SPECC1: variants seen among roughly 807,000 people sequenced by gnomAD.
The protein encoded by SPECC1 is sperm antigen with calponin homology and coiled-coil domains 1.
A neutral mutation model predicts 104.1 loss-of-function variants in SPECC1; 62 were observed. The ratio of observed to expected loss-of-function variants is 0.60; its 90% confidence interval spans 0.49 to 0.74. The LOEUF is 0.74. Ranked by LOEUF, SPECC1 falls within the 30% of genes least tolerant of loss-of-function variation. The pLI, the probability that SPECC1 is intolerant of heterozygous loss-of-function variation, is 0.00. For synonymous variants in SPECC1, 513 were observed against 501.6 expected, an observed-to-expected ratio of 1.02 and a Z score of -0.30; for missense variants, 1,306 against 1,310.5, an observed-to-expected ratio of 1.00 and a Z score of 0.05.
intron 7 of SPECC1, among the ~76,000 whole-genome samples, chr17:20,244,905 A>G (rs918067825): frequency 2.0e-5 from 3 of 152,170 alleles, no homozygotes; most frequent in Non-Finnish European, 4.4e-5. Context: ...TGACATGCCA[A>G]AGTCCCCTAT....
intron 3 of SPECC1, among the ~76,000 whole-genome samples, chr17:20,114,713 G>A (rs2048672760): frequency 6.6e-6 from 1 of 151,912 alleles, no homozygotes; most frequent in Non-Finnish European, 1.5e-5. Context: ...TGTCTCCTTT[G>A]GGAGAATGAC....
chr17:20,046,029 A>T (rs1212410190), intron 1 of SPECC1, among the ~76,000 whole-genome samples: 1 of 150,682 alleles, frequency 6.6e-6, no homozygotes, highest in Non-Finnish European at 1.5e-5. Flanking sequence ...AAAAAAAACC[A>T]TTAGCATAGT....
chr17:20,095,177 G>A (rs959307630), intron 1 of SPECC1, among the ~76,000 whole-genome samples: 5 of 152,126 alleles, frequency 3.3e-5, no homozygotes, highest in Non-Finnish European at 1.5e-5. Flanking sequence ...AATAAAAATC[G>A]TGGGTTGAAG....
At chr17:20,190,273 G>C (rs1259664254) in intron 3 of SPECC1, among the ~76,000 whole-genome samples, 1 of 152,074 alleles carries the variant, frequency 6.6e-6, no homozygotes, top group African/African-American at 2.4e-5. Flanking sequence ...CTAATTGCCT[G>C]TTTCCACACT....
chr17:20,214,310 AATTTTT>A (rs1332626191), intron 4 of SPECC1, among the ~76,000 whole-genome samples: 6 of 152,072 alleles, frequency 3.9e-5, no homozygotes, highest in Admixed American at 2.0e-4. Flanking sequence ...AAAATTGTTT[AATTTTT>A]ATTTTTATGA....
At chr17:20,129,242 T>C (rs2049479558) in intron 3 of SPECC1, among the ~76,000 whole-genome samples, 1 of 151,540 alleles carries the variant, frequency 6.6e-6, no homozygotes, top group Non-Finnish European at 1.5e-5. Flanking sequence ...TGGAGTGCAG[T>C]GGCACCATCT....
intron 14 of SPECC1, among the ~76,000 whole-genome samples, chr17:20,310,702 G>A (rs1004499376): frequency 1.3e-4 from 20 of 152,236 alleles, no homozygotes; most frequent in African/African-American, 4.8e-4. Flanking sequence ...ATGCCCACCA[G>A]GACAGCTGCT....
At chr17:20,126,219 C>T (rs944954825) in intron 3 of SPECC1, among the ~76,000 whole-genome samples, 2 of 152,148 alleles carry the variant, frequency 1.3e-5, no homozygotes, top group African/African-American at 4.8e-5. Context: ...CTCCTCTCCT[C>T]CTTTCCTTTT....
At chr17:20,259,727 GTCTTGAACTCTTGGGC>G (rs2039958707) in intron 11 of SPECC1, among the ~76,000 whole-genome samples, 1 of 151,956 alleles carries the variant, frequency 6.6e-6, no homozygotes, top group South Asian at 2.1e-4. Flanking sequence ...GCCCAGGCTG[GTCTTGAACTCTTGGGC>G]TCAAGAGATC....
chr17:20,227,891 A>G (rs561260500), intron 5 of SPECC1, among the ~76,000 whole-genome samples: 2 of 152,222 alleles, frequency 1.3e-5, no homozygotes, highest in South Asian at 4.2e-4. Context: ...AAAGAAAGCA[A>G]ATGAGGTCAA....
intron 1 of SPECC1, among the ~76,000 whole-genome samples, chr17:20,095,287 C>G (rs2047591366): frequency 6.6e-6 from 1 of 152,214 alleles, no homozygotes; most frequent in East Asian, 1.9e-4. Context: ...TGGAACAAAG[C>G]TGAGACTCAT....
chr17:20,260,347 G>T, intron 12 of SPECC1, 53 bp downstream of exon 12: 10 of 1,486,428 alleles, frequency 6.7e-6, no homozygotes, highest in Non-Finnish European at 9.3e-6. Flanking sequence ...TAGTAGTCCT[G>T]TGCCAATACA....
intron 1 of SPECC1, among the ~76,000 whole-genome samples, chr17:20,081,616 G>C (rs1342553517): frequency 1.3e-5 from 2 of 152,066 alleles, no homozygotes; most frequent in Non-Finnish European, 2.9e-5. Flanking sequence ...CAGGTGGAGG[G>C]AGAGGGCTGA....
intron 1 of SPECC1, among the ~76,000 whole-genome samples, chr17:20,035,441 T>C (rs1567804987): frequency 6.6e-6 from 1 of 152,206 alleles, no homozygotes; most frequent in Non-Finnish European, 1.5e-5. Flanking sequence ...GCTATTTAAG[T>C]CTTCTTTGAT....
At chr17:20,074,356 G>A (rs2046674893) in intron 1 of SPECC1, among the ~76,000 whole-genome samples, 1 of 152,134 alleles carries the variant, frequency 6.6e-6, no homozygotes, top group African/African-American at 2.4e-5. Context: ...GATAAAGTTG[G>A]TGGCTTTTCT....
chr17:20,257,718 T>C (rs2039885128), intron 11 of SPECC1, 111 bp downstream of exon 11: 3 of 1,377,694 alleles, frequency 2.2e-6, no homozygotes, highest in Admixed American at 4.5e-5. Context: ...ATTTCCTGCA[T>C]GAAAATGACT....
intron 1 of SPECC1, among the ~76,000 whole-genome samples, chr17:20,055,118 A>C (rs997244927): frequency 6.6e-6 from 1 of 152,130 alleles, no homozygotes; most frequent in African/African-American, 2.4e-5. Flanking sequence ...GGTAACCTCC[A>C]TTGTACTCTT....
At chr17:20,019,317 C>T (rs537804674) in intron 1 of SPECC1, among the ~76,000 whole-genome samples, 1 of 151,882 alleles carries the variant, frequency 6.6e-6, no homozygotes, top group East Asian at 1.9e-4. Flanking sequence ...GTAAGATTTT[C>T]CTCCTGTGTT....
At position 20,162,513 on chromosome 17, in the gene SPECC1, A is replaced by C. The variant is rs531697847; in HGVS notation, c.284-41820A>C. ...GAAAGGGAAGAGTAATATAACCTAC[A>C]TTGTAGGATTGTTGTGGTGATTCAT... On this transcript the variant is annotated intron_variant, in intron 3 of 14. Coordinates refer to ENST00000395527, the MANE Select transcript of SPECC1 (RefSeq NM_001243439.2). 3.2e-4 allele frequency among the ~76,000 whole-genome samples: 48 copies of C among 152,262 alleles called. No individual in the cohort carries two copies. In the South Asian group the frequency reaches 9.7e-3, roughly 31 times the overall value.
Sources: gnomAD v4.1 joint callset for allele counts (sites outside exome capture counted in the v4.1 genomes callset) on GRCh38, gnomAD v4.1.1 for gene constraint, MANE v1.5 for transcripts, NCBI Gene and HGNC (gene_info 2026-07-23, HGNC 2026-07-21) for gene names.